Variants in DAB1 observed in about 807,000 individuals in gnomAD.
DAB1 encodes the protein DAB adaptor protein 1.
Under a neutral mutation model 64.6 loss-of-function variants are expected in DAB1, and 15 were observed. The observed-to-expected ratio is 0.23, with a 90% CI of 0.16 to 0.36. DAB1 has a LOEUF of 0.36. Among genes scored for constraint, DAB1 ranks in the 10% least tolerant of loss-of-function variants. The probability of loss-of-function intolerance (pLI) is 1.00; values close to 1 mark genes in which losing one functional copy is unlikely to be tolerated. For synonymous variants in DAB1, 235 were observed against 251.9 expected, an observed-to-expected ratio of 0.93 and a Z score of 0.64; for missense variants, 596 against 706.7, an observed-to-expected ratio of 0.84 and a Z score of 1.78.
At chr1:58,160,951 C>T (rs1269425429) in intron 4 of DAB1, among the ~76,000 whole-genome samples, 1 of 152,160 alleles carries the variant, frequency 6.6e-6, no homozygotes, top group Non-Finnish European at 1.5e-5. Flanking sequence ...GTCACATGCA[C>T]AACTAACCAC....
intron 3 of DAB1, among the ~76,000 whole-genome samples, chr1:58,493,777 C>G (rs1010115708): frequency 3.3e-5 from 5 of 151,814 alleles, no homozygotes; most frequent in Non-Finnish European, 7.4e-5. Context: ...AGGATACAAA[C>G]AAATGGAAGA....
chr1:57,087,404 A>T (rs1272819809), intron 4 of DAB1, among the ~76,000 whole-genome samples: 1 of 152,242 alleles, frequency 6.6e-6, no homozygotes, highest in African/African-American at 2.4e-5. Flanking sequence ...AGAAATAAGG[A>T]GTCACCAAGG....
chr1:57,614,638 T>C (rs1645767667), intron 7 of DAB1, among the ~76,000 whole-genome samples: 1 of 152,168 alleles, frequency 6.6e-6, no homozygotes, highest in African/African-American at 2.4e-5. Flanking sequence ...CAGTGGGTGA[T>C]AGGTTTAAGC....
Position 57,949,680 on chromosome 1 carries a change from T to C in DAB1, n.388-65518A>G, listed in dbSNP as rs541361701. On this transcript the variant is annotated intron_variant and non_coding_transcript_variant, in intron 5 of 20. Coordinates refer to the DAB1 transcript ENST00000485760. ...TGTGGTCTTCTGAGATTTTCTCTTC[T>C]CACCCAACATTATTTTTCCAAGATT... 2.1e-3 allele frequency among the ~76,000 whole-genome samples: 322 copies of C among 152,294 alleles called. 1 individual carries two copies. The highest frequency in any genetic ancestry group is 2.6e-3 in the Non-Finnish European group (177 of 68,020).
rs924855028 is a variant in DAB1, at chr1:57,102,419, T to A, written c.307-30005A>T. Among the ~76,000 whole-genome samples the A allele has an allele frequency of 3.3e-5, 5 of 152,372 alleles. No individual in the cohort carries two copies. The East Asian group carries it at 9.6e-4, about 29-fold the overall frequency. ...ATTATACTGAAAGAGGCTACACTAC[T>A]GTCTACATTATATTAATGCACTATA... On this transcript the variant is annotated intron_variant, in intron 4 of 14. Transcript: ENST00000371236.
intron 3 of DAB1, among the ~76,000 whole-genome samples, chr1:58,422,786 C>G (rs1416835807): frequency 6.6e-6 from 1 of 151,078 alleles, no homozygotes; most frequent in Non-Finnish European, 1.5e-5. Context: ...GTTTGGTGGA[C>G]AGTGGAGCCT....
chr1:57,070,694 T>C (rs1651365102), intron 7 of DAB1: 1 of 299,692 alleles, frequency 3.3e-6, no homozygotes, highest in Non-Finnish European at 6.3e-6. Flanking sequence ...TCATTATTCA[T>C]ATTCTCTCTA....
In DAB1 at chr1:57,207,487, A is replaced by G. The variant is rs1333734090; in HGVS notation, c.68-62058T>C. ...GAGATGGAGTCTCGCTCTGTCGCCCAGGCTGGAGTGCAGTGGCGGGATCTC... is the reference window on the plus strand; with the variant it reads ...GAGATGGAGTCTCGCTCTGTCGCCCGGGCTGGAGTGCAGTGGCGGGATCTC... On this transcript the variant is annotated intron_variant, in intron 2 of 14. Transcript: ENST00000371236. Among the ~76,000 whole-genome samples the G allele has an allele frequency of 2.0e-5, 2 of 102,074 alleles. 1 individual carries two copies. The highest frequency in any genetic ancestry group is 3.8e-5 in the Non-Finnish European group (2 of 51,966). 67.0% of individuals were successfully genotyped at this position (102,074 alleles called of 152,430 possible). A position where few individuals can be genotyped will look rare whatever the true frequency, so the allele number is the denominator to read the frequency against.
chr1:58,328,102 A>G (rs753251666), intron 4 of DAB1, among the ~76,000 whole-genome samples: 2 of 152,184 alleles, frequency 1.3e-5, no homozygotes, highest in Non-Finnish European at 2.9e-5. Context: ...ATTTTGGCCA[A>G]GGATTTGTCA....
rs377351113 is a variant in DAB1, at chr1:57,483,277, T to G, written n.625+166315A>C. Among the ~76,000 whole-genome samples the G allele has an allele frequency of 8.5e-5, 13 of 152,312 alleles. No homozygotes were observed. In the East Asian group the frequency reaches 2.3e-3, roughly 27 times the overall value. On this transcript the variant is annotated intron_variant and non_coding_transcript_variant, in intron 7 of 20. Coordinates refer to the DAB1 transcript ENST00000485760. ...CATCTTGAATTATAGCTCCCATAAT[T>G]TCCATGTGTTGTGAGGGGAGTCCAG... is the stretch of plus-strand genomic sequence containing the variant.
At chr1:57,898,004 G>T (rs1166769328) in intron 5 of DAB1, among the ~76,000 whole-genome samples, 2 of 152,140 alleles carry the variant, frequency 1.3e-5, no homozygotes, top group Non-Finnish European at 2.9e-5. Flanking sequence ...GGAAGGAATG[G>T]GTTCCAGGGA....
chr1:58,040,406 C>A lies in DAB1; in HGVS notation n.387+110105G>T, dbSNP rs146340685. On this transcript the variant is annotated intron_variant and non_coding_transcript_variant, in intron 5 of 20. Transcript: ENST00000485760. ...ACGGGGTTGTCAAAGGACTTCACAG[C>A]CCAACCCTGGTCTCATCTGCCGGCA... 3.2e-3 allele frequency among the ~76,000 whole-genome samples: 491 copies of A among 152,270 alleles called. 1 individual carries two copies. Among genetic ancestry groups the A allele is most frequent in the African/African-American group, 0.011 (447 of 41,560 alleles).
chr1:57,944,281 C>T (rs185549739), intron 5 of DAB1, among the ~76,000 whole-genome samples: 158 of 152,186 alleles, frequency 1.0e-3, no homozygotes, highest in Non-Finnish European at 3.4e-4. Flanking sequence ...CCTGTTCCAC[C>T]CTCCTCATTC....
chr1:57,091,473 G>A (rs1653673291), intron 4 of DAB1, among the ~76,000 whole-genome samples: 28 of 152,126 alleles, frequency 1.8e-4, no homozygotes, highest in Admixed American at 1.8e-3. Context: ...ATAATAAAAT[G>A]AAGAAGGTAT....
intron 2 of DAB1, among the ~76,000 whole-genome samples, chr1:57,145,784 C>T (rs1659063597): frequency 1.3e-5 from 2 of 152,134 alleles, no homozygotes; most frequent in South Asian, 4.2e-4. Context: ...CATAATCACC[C>T]ACTAAGAGTT....
intron 6 of DAB1, among the ~76,000 whole-genome samples, chr1:57,813,100 T>C (rs1468420595): frequency 6.6e-6 from 1 of 152,236 alleles, no homozygotes; most frequent in African/African-American, 2.4e-5. Context: ...TTATGTATTC[T>C]ACACAAAGAC....
intron 4 of DAB1, among the ~76,000 whole-genome samples, chr1:58,152,074 G>A (rs1405897826): frequency 6.6e-6 from 1 of 152,130 alleles, no homozygotes; most frequent in Non-Finnish European, 1.5e-5. Flanking sequence ...TCTTGAGGTG[G>A]GGTGGCGAAA....
intron 3 of DAB1, among the ~76,000 whole-genome samples, chr1:58,404,358 T>C (rs1165592493): frequency 6.6e-6 from 1 of 152,212 alleles, no homozygotes; most frequent in Non-Finnish European, 1.5e-5. Flanking sequence ...GTGGCCTTAG[T>C]GGAATATTAC....
At chr1:57,904,974 A>T (rs571078120) in intron 5 of DAB1, among the ~76,000 whole-genome samples, 53 of 152,192 alleles carry the variant, frequency 3.5e-4, no homozygotes, top group Non-Finnish European at 7.5e-4. Context: ...GAAAGGATGT[A>T]TGGTAATTAT....
Sources: allele counts gnomAD v4.1 joint callset (sites outside exome capture counted in the v4.1 genomes callset), GRCh38; gene constraint gnomAD v4.1.1; transcripts MANE v1.5; gene names NCBI Gene and HGNC (gene_info 2026-07-23, HGNC 2026-07-21).